The following DEPTOR variants were observed in gnomAD, a reference collection of about 807,000 sequenced individuals.
DEPTOR encodes DEP domain containing MTOR interacting protein, also known as DEP domain-containing mTOR-interacting protein.
Under a neutral mutation model 41.6 loss-of-function variants are expected in DEPTOR, and 41 were observed. The observed-to-expected ratio is 0.98, with a 90% CI of 0.77 to 1.28. The LOEUF (loss-of-function observed/expected upper bound fraction) is 1.28. DEPTOR is among the 50% of genes most tolerant of loss of function. DEPTOR has a pLI of 0.00. For missense variants in DEPTOR, 514 were observed against 527.9 expected, an observed-to-expected ratio of 0.97 and a Z score of 0.26; for synonymous variants, 195 against 192.3, an observed-to-expected ratio of 1.01 and a Z score of -0.12.
intron 8 of DEPTOR, among the ~76,000 whole-genome samples, chr8:120,040,998 A>T (rs985905028): frequency 2.0e-5 from 3 of 152,146 alleles, no homozygotes; most frequent in African/African-American, 7.2e-5. Context: ...GTATCTTATC[A>T]TTCTTTTCTG....
chr8:119,907,379 A>G (rs1160874535), intron 1 of DEPTOR, among the ~76,000 whole-genome samples: 2 of 152,238 alleles, frequency 1.3e-5, no homozygotes, highest in African/African-American at 4.8e-5. Flanking sequence ...TAAAATACAT[A>G]TGCCTACGGA....
At chr8:119,974,661 A>G (rs1828675050) in intron 4 of DEPTOR, among the ~76,000 whole-genome samples, 1 of 151,976 alleles carries the variant, frequency 6.6e-6, no homozygotes, top group Admixed American at 6.6e-5. Context: ...AATCCCAGTT[A>G]CTTGGGAGGT....
At chr8:120,043,268 C>T (rs766802186) in intron 8 of DEPTOR, among the ~76,000 whole-genome samples, 13 of 151,970 alleles carry the variant, frequency 8.6e-5, no homozygotes, top group Admixed American at 1.3e-4. Flanking sequence ...CATGAGCCAC[C>T]GTGACTGGCC....
At chr8:119,880,303 A>G (rs1346899016) in intron 1 of DEPTOR, among the ~76,000 whole-genome samples, 1 of 152,164 alleles carries the variant, frequency 6.6e-6, no homozygotes, top group African/African-American at 2.4e-5. Flanking sequence ...CACTTTATGT[A>G]TGGTAATGCC....
intron 4 of DEPTOR, among the ~76,000 whole-genome samples, chr8:120,001,173 C>A (rs1812343930): frequency 6.6e-6 from 1 of 151,976 alleles, no homozygotes; most frequent in South Asian, 2.1e-4. Context: ...ACTGCCCCAA[C>A]AAGCTTAGAG....
intron 8 of DEPTOR, among the ~76,000 whole-genome samples, chr8:120,042,818 GTATTTTTTTATTTT>G (rs1813097628): frequency 1.3e-5 from 2 of 151,692 alleles, no homozygotes; most frequent in Non-Finnish European, 2.9e-5. Context: ...TGTGCCCAGC[GTATTTTTTTATTTT>G]TATTTTTTTA....
intron 8 of DEPTOR, among the ~76,000 whole-genome samples, chr8:120,033,496 G>C (rs957212848): frequency 1.3e-5 from 2 of 152,152 alleles, no homozygotes; most frequent in Admixed American, 6.6e-5. Context: ...TCTGGCTCCA[G>C]AGCCCTTGGT....
chr8:120,026,985 G>A (rs763581779), intron 8 of DEPTOR, among the ~76,000 whole-genome samples: 6 of 152,060 alleles, frequency 3.9e-5, no homozygotes, highest in East Asian at 3.9e-4. Flanking sequence ...TTGGGAGACC[G>A]AGGTGGGTGG....
intron 1 of DEPTOR, among the ~76,000 whole-genome samples, chr8:119,900,189 G>A (rs13258592): frequency 0.5 from 75,218 of 150,712 alleles, 20,451 homozygotes; most frequent in East Asian, 0.92. Context: ...GCGTGGTGGC[G>A]CACACCTGCA....
Position 120,049,935 on chromosome 8 carries a change from A to G in DEPTOR, c.*231A>G, listed in dbSNP as rs1293995461. 2.4e-5 allele frequency: 9 copies of G among 382,060 alleles called. No homozygotes were observed. The South Asian group carries it at 4.0e-4, about 17-fold the overall frequency. 23.7% of individuals were successfully genotyped at this position (382,060 alleles called of 1,614,324 possible). ...AACATTTGGGAAACCATTTTCCTAC[A>G]TGATAGAACTGCCTTACTAGATTTC... On this transcript the variant is annotated 3_prime_UTR_variant, in exon 9 of 9. Transcript: ENST00000286234.
intron 3 of DEPTOR, among the ~76,000 whole-genome samples, chr8:119,947,262 C>T (rs1046058378): frequency 2.0e-5 from 3 of 152,210 alleles, no homozygotes; most frequent in Non-Finnish European, 2.9e-5. Flanking sequence ...CAGATCATCC[C>T]AACACCTTTT....
rs920778671 is a variant in DEPTOR, at chr8:119,963,419, C to T, written c.426-1813C>T. Among the ~76,000 whole-genome samples the T allele has an allele frequency of 7.2e-5, 11 of 151,872 alleles. No homozygotes were observed. The East Asian group carries it at 1.5e-3, about 21-fold the overall frequency. ...AGGCTGGAGTGCAGTGGTGTGAACT[C>T]GGCTCACTGCAACCTCTGCCTCTGG... On this transcript the variant is annotated intron_variant, in intron 3 of 8. Coordinates refer to ENST00000286234, the MANE Select transcript of DEPTOR (RefSeq NM_022783.4).
At chr8:120,027,234 A>ATAATAATAATAAT (rs1554586787) in intron 8 of DEPTOR, among the ~76,000 whole-genome samples, 14 of 145,108 alleles carry the variant, frequency 9.6e-5, no homozygotes, top group African/African-American at 2.5e-4. Context: ...AATAAAAATA[A>ATAATAATAATAAT]AATAATAATA....
chr8:119,957,739 C>T (rs1349733918), intron 3 of DEPTOR, among the ~76,000 whole-genome samples: 2 of 152,124 alleles, frequency 1.3e-5, no homozygotes, highest in African/African-American at 4.8e-5. Flanking sequence ...TAGGCACGCG[C>T]CACCATGCCC....
intron 1 of DEPTOR, among the ~76,000 whole-genome samples, chr8:119,911,796 T>G (rs940790905): frequency 2.0e-5 from 3 of 152,204 alleles, no homozygotes; most frequent in Admixed American, 1.3e-4. Context: ...ATGACAGCTA[T>G]GAACACAGCT....
chr8:119,963,230 T>G (rs1357966892), intron 3 of DEPTOR, among the ~76,000 whole-genome samples: 1 of 152,112 alleles, frequency 6.6e-6, no homozygotes, highest in Non-Finnish European at 1.5e-5. Flanking sequence ...GAGATGCAGA[T>G]AAGCCAACAC....
intron 3 of DEPTOR, among the ~76,000 whole-genome samples, chr8:119,935,586 T>A (rs1475705525): frequency 6.6e-6 from 1 of 151,904 alleles, no homozygotes; most frequent in East Asian, 1.9e-4. Context: ...CCAGGCGTGG[T>A]GGCATGCACC....
intron 3 of DEPTOR, among the ~76,000 whole-genome samples, chr8:119,937,414 T>C (rs1234542604): frequency 6.6e-6 from 1 of 152,172 alleles, no homozygotes; most frequent in Non-Finnish European, 1.5e-5. Context: ...ATACATATTT[T>C]CTAATATATG....
At chr8:120,031,414 A>G (rs1029754559) in intron 8 of DEPTOR, among the ~76,000 whole-genome samples, 1 of 152,102 alleles carries the variant, frequency 6.6e-6, no homozygotes, top group Non-Finnish European at 1.5e-5. Context: ...GCAGTGACCC[A>G]AGATTGCGCC....
Sources: gnomAD v4.1 joint callset for allele counts (sites outside exome capture counted in the v4.1 genomes callset) on GRCh38, gnomAD v4.1.1 for gene constraint, MANE v1.5 for transcripts, NCBI Gene and HGNC (gene_info 2026-07-23, HGNC 2026-07-21) for gene names.